NGEF: variants seen among roughly 807,000 people sequenced by gnomAD.
The protein encoded by NGEF is ephexin-1.
In NGEF, 31 loss-of-function variants were observed where a neutral mutation model predicts 80.9. The ratio of observed to expected loss-of-function variants is 0.38; its 90% CI spans 0.29 to 0.52. The LOEUF (loss-of-function observed/expected upper bound fraction) is 0.52. Among genes scored for constraint, NGEF ranks in the 20% least tolerant of loss-of-function variants. The probability of loss-of-function intolerance (pLI) is 0.84; values close to 1 mark genes in which losing one functional copy is unlikely to be tolerated. For synonymous variants in NGEF, 371 were observed against 370.2 expected, an observed-to-expected ratio of 1.00 and a Z score of -0.03; for missense variants, 709 against 926.2, an observed-to-expected ratio of 0.77 and a Z score of 3.04.
chr2:232,906,077 T>G (rs1395797629), intron 5 of NGEF, among the ~76,000 whole-genome samples: 3 of 98,428 alleles, frequency 3.0e-5, no homozygotes, highest in Non-Finnish European at 4.1e-5. Flanking sequence ...GGTGAGGGGG[T>G]CAGCCCCCCG....
At chr2:232,980,244 G>A (rs1039454367) in intron 1 of NGEF, among the ~76,000 whole-genome samples, 11 of 152,166 alleles carry the variant, frequency 7.2e-5, no homozygotes, top group African/African-American at 2.7e-4. Flanking sequence ...GTGTGAATCA[G>A]TGTCCTGGGA....
intron 3 of NGEF, among the ~76,000 whole-genome samples, chr2:232,957,006 C>T (rs1319532945): frequency 6.6e-6 from 1 of 151,484 alleles, no homozygotes; most frequent in Non-Finnish European, 1.5e-5. Context: ...AGAATTAAAG[C>T]CAGAAGTGCT....
At chr2:232,935,001 C>T (rs1480618858) in intron 3 of NGEF, among the ~76,000 whole-genome samples, 1 of 147,180 alleles carries the variant, frequency 6.8e-6, no homozygotes, top group Non-Finnish European at 1.5e-5. Flanking sequence ...GAGTGAGACT[C>T]TGTCTCAAAA....
intron 1 of NGEF, among the ~76,000 whole-genome samples, chr2:232,986,141 A>G (rs995008514): frequency 1.3e-5 from 2 of 152,166 alleles, no homozygotes; most frequent in Non-Finnish European, 2.9e-5. Flanking sequence ...TCAATAGAAA[A>G]AGACAAAACA....
chr2:232,970,271 C>G lies in NGEF; in HGVS notation c.326G>C (p.Ser109Thr), dbSNP rs762315072. Residue 109 changes from serine (S) to threonine (T), a missense_variant, in exon 3 of 15, where the codon AGC becomes ACC. Coordinates refer to ENST00000264051, the MANE Select transcript of NGEF (RefSeq NM_019850.3). ...NEPLTLNIPW[S>T]RMPPCRTAMQ... The stretch of plus-strand genomic sequence containing the variant: ...TGCTGTTCTGCAAGGAGGCATTCTG[C>G]TCCAGGGGATATTCAAGGTCAGGGG... 3 of 1,606,696 alleles carry G rather than the reference C, an allele frequency of 1.9e-6. No individual in the cohort carries two copies. The highest frequency in any genetic ancestry group is 2.5e-6 in the Non-Finnish European group (3 of 1,177,702).
intron 3 of NGEF, chr2:232,927,752 G>C: frequency 2.2e-6 from 1 of 449,018 alleles, no homozygotes; most frequent in Admixed American, 4.6e-5. Flanking sequence ...CGGGGCCCGG[G>C]GGTGGGAGTA....
At chr2:232,901,428 G>C (rs1318540061) in intron 5 of NGEF, 1 of 985,356 alleles carries the variant, frequency 1.0e-6, no homozygotes, top group African/African-American at 1.7e-5. Flanking sequence ...AGCCTGATTT[G>C]GGTTGTTTTT....
chr2:232,995,792 A>G lies in NGEF; in HGVS notation c.-75+17276T>C, dbSNP rs1039796442. The stretch of plus-strand genomic sequence containing the variant: ...TATTCATATACATATATGTATATGT[A>G]TAATATATGTATACATATAATACAC... On this transcript the variant is annotated intron_variant, in intron 1 of 14. Transcript: ENST00000264051. Among the ~76,000 whole-genome samples the G allele has an allele frequency of 2.7e-5, 4 of 147,576 alleles. No individual in the cohort carries two copies. The South Asian group carries it at 8.4e-4, about 31-fold the overall frequency.
chr2:232,996,509 G>A (rs80095209), intron 1 of NGEF, among the ~76,000 whole-genome samples: 2,169 of 152,252 alleles, frequency 0.014, 47 homozygotes, highest in African/African-American at 0.05. Flanking sequence ...TGGTATCCGT[G>A]GGGGGATTGG....
At chr2:233,011,205 T>A (rs1037365607) in intron 1 of NGEF, among the ~76,000 whole-genome samples, 4 of 152,082 alleles carry the variant, frequency 2.6e-5, no homozygotes, top group Admixed American at 1.3e-4. Context: ...CCCATCTGTG[T>A]CCCCAGCCCC....
At chr2:232,992,275 C>T (rs1694666728) in intron 1 of NGEF, among the ~76,000 whole-genome samples, 1 of 152,036 alleles carries the variant, frequency 6.6e-6, no homozygotes, top group Admixed American at 6.6e-5. Flanking sequence ...AAATTCTTGG[C>T]TGGGCATGGT....
intron 4 of NGEF, among the ~76,000 whole-genome samples, chr2:232,923,024 C>T (rs967251678): frequency 4.0e-5 from 6 of 151,820 alleles, no homozygotes; most frequent in African/African-American, 1.2e-4. Context: ...GAGCTGAGAT[C>T]GCGCCACTTC....
intron 3 of NGEF, among the ~76,000 whole-genome samples, chr2:232,936,660 A>T (rs373254335): frequency 1.3e-5 from 2 of 152,178 alleles, no homozygotes; most frequent in South Asian, 4.1e-4. Flanking sequence ...CACATTACTG[A>T]GGGGAAGGTT....
chr2:232,899,610 TCACA>T (rs760549339), intron 5 of NGEF, among the ~76,000 whole-genome samples: 3 of 95,750 alleles, frequency 3.1e-5, no homozygotes, highest in Non-Finnish European at 7.6e-5. Flanking sequence ...TCACATTCAC[TCACA>T]CACACATGCT....
intron 14 of NGEF, among the ~76,000 whole-genome samples, chr2:232,879,915 T>C (rs1691436050): frequency 6.6e-6 from 1 of 152,190 alleles, no homozygotes; most frequent in Non-Finnish European, 1.5e-5. Flanking sequence ...TGCCACGCAG[T>C]TCCACGTTGA....
chr2:232,938,200 C>G (rs1056408427), intron 3 of NGEF, among the ~76,000 whole-genome samples: 9 of 152,130 alleles, frequency 5.9e-5, no homozygotes, highest in Admixed American at 2.6e-4. Context: ...GAATTTTGCT[C>G]TTTTTCCAGG....
At position 232,927,166 on chromosome 2, in the gene NGEF, C is replaced by T; in HGVS notation, c.404G>A (p.Gly135Glu). The part of the protein sequence containing the change: ...QEMSESSSTP[G>E]NGATPEEWPA... ...CCACTCCTCGGGCGTGGCCCCATTTCCCGGGGTGGAGGACGACTCACTGCC... is the reference window on the plus strand; with the variant it reads ...CCACTCCTCGGGCGTGGCCCCATTTTCCGGGGTGGAGGACGACTCACTGCC... Residue 135 changes from glycine to glutamate, a missense_variant, in exon 4 of 15, where the codon GGA becomes GAA. Around this residue, in one of 2 missense-constraint regions of NGEF, gnomAD observed 283 missense variants for 303.4 expected, o/e 0.93. Transcript: ENST00000264051. 2 of 1,599,152 alleles carry T rather than the reference C, an allele frequency of 1.3e-6. No individual in the cohort carries two copies. The highest frequency in any genetic ancestry group is 1.1e-5 in the South Asian group (1 of 89,352).
intron 6 of NGEF, 69 bp from the exon 7 acceptor site, chr2:232,893,119 C>G: frequency 2.6e-6 from 4 of 1,515,318 alleles, no homozygotes; most frequent in Non-Finnish European, 3.6e-6. Flanking sequence ...TCACCAAGGG[C>G]AGCATGCGAG....
chr2:233,009,901 G>A (rs530427981), intron 1 of NGEF, among the ~76,000 whole-genome samples: 3 of 152,240 alleles, frequency 2.0e-5, no homozygotes, highest in Admixed American at 1.3e-4. Flanking sequence ...CACCTGTCCT[G>A]TCTCTCTTTT....
Sources: gnomAD v4.1 joint callset for allele counts (sites outside exome capture counted in the v4.1 genomes callset) on GRCh38, gnomAD v4.1.1 for gene constraint, gnomAD v4.1.1 regional missense constraint, MANE v1.5 for transcripts, NCBI Gene and HGNC (gene_info 2026-07-23, HGNC 2026-07-21) for gene names.